The following CERCAM variants were observed in gnomAD, a reference collection of about 807,000 sequenced individuals.
The protein encoded by CERCAM is cerebral endothelial cell adhesion molecule.
Under a neutral mutation model 66.0 loss-of-function variants are expected in CERCAM, and 59 were observed. The ratio of observed to expected loss-of-function variants is 0.89; its 90% CI spans 0.73 to 1.11. CERCAM has a LOEUF of 1.11. Ranked by LOEUF, CERCAM falls within the 50% of genes most tolerant of loss-of-function variation. CERCAM has a pLI of 0.00. For synonymous variants in CERCAM, 318 were observed against 343.6 expected, an observed-to-expected ratio of 0.93 and a Z score of 0.83; for missense variants, 840 against 828.3, an observed-to-expected ratio of 1.01 and a Z score of -0.17.
chr9:128,428,067 G>T (rs1447168068), intron 5 of CERCAM, among the ~76,000 whole-genome samples: 1 of 152,150 alleles, frequency 6.6e-6, no homozygotes, highest in Non-Finnish European at 1.5e-5. Flanking sequence ...CGTAACCCTG[G>T]CTCCCAGCGG....
chr9:128,423,530 T>C (rs928624924), intron 3 of CERCAM, among the ~76,000 whole-genome samples: 29 of 148,978 alleles, frequency 1.9e-4, no homozygotes, highest in African/African-American at 7.0e-4. Flanking sequence ...GGCATGAGAA[T>C]GGCATGAACC....
Position 128,434,410 on chromosome 9 carries a change from C to A in CERCAM, c.1332C>A (p.Ile444=). 1 of 1,613,932 alleles carries A rather than the reference C, an allele frequency of 6.2e-7. No homozygotes were observed. The highest frequency in any genetic ancestry group is 8.5e-7 in the Non-Finnish European group (1 of 1,180,012). The part of the protein sequence containing the change: ...VEAEKLSWDL[I]YLGRKQVNPE... ...CTGGGCCCCTTGGTGTCACTTACAG[C>A]TACCTCGGACGGAAGCAGGTGAACC... Residue 444 remains isoleucine (I), a splice_region_variant and synonymous_variant, in exon 11 of 13, where the codon ATC becomes ATA. Transcript: ENST00000372838. This position sits in a 1 kb window ranked among gnomAD's most constrained non-coding sequence, Gnocchi z 4.5.
rs1447634733 is a variant in CERCAM, at chr9:128,420,992, G to A, written c.115G>A (p.Ala39Thr). 2.7e-6 allele frequency: 4 copies of A among 1,466,996 alleles called. No homozygotes were observed. Among genetic ancestry groups the A allele is most frequent in the Admixed American group, 4.8e-5 (2 of 41,376 alleles). The allele number at this position is 1,466,996 out of a possible 1,614,324, so 90.9% of individuals were successfully genotyped here. ...GCCCGCCGTGGTCCTTGCCATCCTGGCCCGCAATGCCGAACACTCGCTGCC... is the reference window on the plus strand; with the variant it reads ...GCCCGCCGTGGTCCTTGCCATCCTGACCCGCAATGCCGAACACTCGCTGCC... Reference protein sequence around the residue: ...PLPAVVLAILARNAEHSLPHY... With the variant: ...PLPAVVLAILTRNAEHSLPHY... The change falls in exon 1 of 13, where the codon GCC (alanine) becomes ACC (threonine). Residue 39 changes from alanine to threonine, a missense_variant. Coordinates refer to ENST00000372838, the MANE Select transcript of CERCAM (RefSeq NM_016174.5). The surrounding 1 kb of genome is among the most constrained non-coding windows in gnomAD (Gnocchi z 5.0).
At chr9:128,426,881 A>C (rs951622477) in intron 5 of CERCAM, among the ~76,000 whole-genome samples, 6 of 152,230 alleles carry the variant, frequency 3.9e-5, no homozygotes, top group Non-Finnish European at 5.9e-5. Context: ...ATGCAAGAAG[A>C]AATCTTACCA....
At chr9:128,430,853 TAA>T (rs377147792) in intron 8 of CERCAM, 267 of 144,280 alleles carry the variant, frequency 1.9e-3, no homozygotes, top group South Asian at 4.6e-3. Context: ...CCATCTCTAC[TAA>T]AAAAAAAAAA....
chr9:128,433,993 T>G, intron 9 of CERCAM, 109 bp from the exon 10 acceptor site: 2 of 1,448,464 alleles, frequency 1.4e-6, no homozygotes, highest in Non-Finnish European at 1.9e-6. Context: ...GGCAACTGCA[T>G]GATGTGGCCA....
At chr9:128,429,063 T>G in intron 8 of CERCAM, 27 bp downstream of exon 8, 1 of 1,514,742 alleles carries the variant, frequency 6.6e-7, no homozygotes, top group Non-Finnish European at 9.0e-7. Context: ...GGGGGGGCCC[T>G]GTGCGCTTGG....
At chr9:128,436,370 C>T (rs1588632575) in intron 12 of CERCAM, among the ~76,000 whole-genome samples, 1 of 152,342 alleles carries the variant, frequency 6.6e-6, no homozygotes, top group Admixed American at 6.5e-5. Context: ...GTCTCAGCCT[C>T]CCGAGTAGTT....
chr9:128,420,785 C>G (rs575311238), upstream of CERCAM: 217 of 416,408 alleles, frequency 5.2e-4, no homozygotes, highest in African/African-American at 4.2e-3. The surrounding 1 kb of genome is among the most constrained non-coding windows in gnomAD (Gnocchi z 5.0). Flanking sequence ...CTCTCCGGGT[C>G]TGCCTCGGCC....
At chr9:128,428,547 G>GGA in intron 6 of CERCAM, 126 bp downstream of exon 6, 1 of 1,262,464 alleles carries the variant, frequency 7.9e-7, no homozygotes, top group Non-Finnish European at 1.1e-6. Context: ...TCCCTAACTC[G>GGA]TTCCATGACT....
intron 8 of CERCAM, among the ~76,000 whole-genome samples, chr9:128,430,218 A>G (rs1034083073): frequency 6.6e-6 from 1 of 151,986 alleles, no homozygotes; most frequent in Admixed American, 6.5e-5. Context: ...GCCAACCAAC[A>G]TGGTGAAACC....
chr9:128,428,900 A>C, intron 7 of CERCAM, 30 bp from the exon 8 acceptor site: 1 of 1,607,444 alleles, frequency 6.2e-7, no homozygotes, highest in Middle Eastern at 1.7e-4. Flanking sequence ...GCTCCCTTGC[A>C]CTTACCGCCC....
rs747583425 is a variant in CERCAM at position 128,431,333 on chromosome 9, C to G, written c.1203+30C>G. On this transcript the variant is annotated intron_variant, in intron 9 of 12. Coordinates refer to ENST00000372838, the MANE Select transcript of CERCAM (RefSeq NM_016174.5). ...GGGTGCCTGCTTCCTCCATCCACAG[C>G]CTTCGGGGAGAACGGGGCCAGTTTG... is the stretch of plus-strand genomic sequence containing the variant. The G allele has an allele frequency of 1.4e-5, 23 of 1,612,698 alleles. 1 individual carries two copies. The East Asian group carries it at 1.6e-4, about 11-fold the overall frequency.
chr9:128,427,841 A>G (rs1833880932), intron 5 of CERCAM: 1 of 148,500 alleles, frequency 6.7e-6, no homozygotes, highest in Non-Finnish European at 1.5e-5. Context: ...CATCGTGGAG[A>G]GGAGCCCCAG....
rs766133803 is a variant in CERCAM at position 128,434,147 on chromosome 9, G to A, written c.1249G>A (p.Val417Met). The A allele has an allele frequency of 3.0e-5, 48 of 1,614,042 alleles. No individual in the cohort carries two copies. In the South Asian group the frequency reaches 3.1e-4, roughly 10 times the overall value. Residue 417 changes from valine to methionine, a missense_variant, in exon 10 of 13, where the codon GTG (valine) becomes ATG (methionine). Transcript: ENST00000372838. The surrounding 1 kb of genome is among the most constrained non-coding windows in gnomAD (Gnocchi z 4.5). ...LARVLVFEDD[V>M]RFESNFRGRL... is the part of the protein sequence containing the mutation. ...CCGGGTCCTGGTGTTTGAGGATGAC[G>A]TGCGCTTTGAGAGCAACTTCAGGGG... is the stretch of plus-strand genomic sequence containing the variant.
rs201435782 is a variant in CERCAM at position 128,434,517 on chromosome 9, G to A, written c.1439G>A (p.Arg480His). The A allele has an allele frequency of 9.8e-5, 158 of 1,613,146 alleles. No homozygotes were observed. The highest frequency in any genetic ancestry group is 9.4e-4 in the East Asian group (42 of 44,882). The change falls in exon 11 of 13, where the codon CGT becomes CAT. Residue 480 changes from arginine to histidine, a missense_variant. By Grantham distance (29) the Arg-to-His change is conservative (BLOSUM62 0). Coordinates refer to ENST00000372838, the MANE Select transcript of CERCAM (RefSeq NM_016174.5). This position sits in a 1 kb window ranked among gnomAD's most constrained non-coding sequence, Gnocchi z 4.5. ...YSYWTLAYAL[R>H]LAGARKLLAS... ...TACTGGACGCTGGCCTATGCCCTGCGTCTGGCGGGTGCCCGCAAGCTGCTG... is the reference window on the plus strand; with the variant it reads ...TACTGGACGCTGGCCTATGCCCTGCATCTGGCGGGTGCCCGCAAGCTGCTG...
Position 128,435,874 on chromosome 9 carries a change from G to T in CERCAM, c.1757G>T (p.Ser586Ile). ...GACCTGACTGGCAGCAGCGGGCACAGCCTCCAACCCCAGCCCCGAGATGAG... is the reference window on the plus strand; with the variant it reads ...GACCTGACTGGCAGCAGCGGGCACATCCTCCAACCCCAGCCCCGAGATGAG... The part of the protein sequence containing the change: ...RLDLTGSSGH[S>I]LQPQPRDEL Residue 586 changes from serine (S) to isoleucine (I), a missense_variant, in exon 12 of 13, where the codon AGC becomes ATC. By Grantham distance (142) the Ser-to-Ile change is moderately radical. Transcript: ENST00000372838. The T allele has an allele frequency of 6.2e-7, 1 of 1,607,516 alleles. No homozygotes were observed.
At chr9:128,433,474 T>C (rs922685158) in intron 9 of CERCAM, among the ~76,000 whole-genome samples, 12 of 151,940 alleles carry the variant, frequency 7.9e-5, no homozygotes, top group African/African-American at 2.7e-4. Context: ...CCAGCCACCA[T>C]CTGTCATGCT....
At position 128,420,975 on chromosome 9, in the gene CERCAM, T is replaced by G. The variant is rs1423440901; in HGVS notation, c.98T>G (p.Val33Gly). ...AGVAESPLPAVVLAILARNAE... is the reference protein window; with the variant it reads ...AGVAESPLPAGVLAILARNAE... ...GTTGCGGAGTCGCCGCTGCCCGCCG[T>G]GGTCCTTGCCATCCTGGCCCGCAAT... Residue 33 changes from valine to glycine, a missense_variant, in exon 1 of 13, where the codon GTG becomes GGG. Transcript: ENST00000372838. This position sits in a 1 kb window ranked among gnomAD's most constrained non-coding sequence, Gnocchi z 5.0. 2.0e-6 allele frequency: 3 copies of G among 1,469,632 alleles called. No homozygotes were observed. 91.0% of individuals were successfully genotyped at this position (1,469,632 alleles called of 1,614,324 possible).
Sources: gnomAD v4.1 joint callset for allele counts (sites outside exome capture counted in the v4.1 genomes callset) on GRCh38, gnomAD v4.1.1 for gene constraint, Gnocchi (gnomAD v3.1) non-coding constraint, MANE v1.5 for transcripts, NCBI Gene and HGNC (gene_info 2026-07-23, HGNC 2026-07-21) for gene names.